The following XIRP2 variants were observed in gnomAD, a reference collection of about 807,000 sequenced individuals.
XIRP2 encodes xin actin binding repeat containing 2, also known as xin actin-binding repeat-containing protein 2.
XIRP2 carries 236 observed loss-of-function variants against 277.0 expected under a neutral mutation model. That is an observed-to-expected ratio of 0.85 (90% CI 0.77 to 0.95). The LOEUF is 0.95. Ranked by LOEUF, XIRP2 falls within the 40% of genes least tolerant of loss-of-function variation. XIRP2 has a pLI of 0.00. For synonymous variants in XIRP2, 1,490 were observed against 1,416.5 expected (o/e 1.05, Z -1.17); for missense variants, 4,640 against 4,157.5 (o/e 1.12, Z -3.19).
chr2:167,008,374 T>C (rs963352804), intron 2 of XIRP2, among the ~76,000 whole-genome samples: 1 of 151,628 alleles, frequency 6.6e-6, no homozygotes, highest in Non-Finnish European at 1.5e-5. Context: ...CACATTACTC[T>C]AAAGTGTGTT....
intron 5 of XIRP2, among the ~76,000 whole-genome samples, chr2:167,238,156 A>G (rs571685119): frequency 3.9e-4 from 60 of 152,348 alleles, no homozygotes; most frequent in Admixed American, 9.8e-4. Context: ...AAAGTTTGCT[A>G]TCTTATTCAT....
intron 3 of XIRP2, among the ~76,000 whole-genome samples, chr2:167,194,532 C>A (rs751971397): frequency 6.6e-6 from 1 of 152,072 alleles, no homozygotes; most frequent in East Asian, 1.9e-4. Flanking sequence ...TTATAACCAG[C>A]CTTGAAATGT....
chr2:167,187,309 G>A, intron 3 of XIRP2: 1 of 985,306 alleles, frequency 1.0e-6, no homozygotes, highest in Non-Finnish European at 1.2e-6. Flanking sequence ...CTAAAAATAG[G>A]TGCCAAGTTG....
rs59889092 is a variant in XIRP2, at chr2:167,248,478, G to A, written c.7086G>A (p.Met2362Ile). 6 of 1,613,376 alleles carry A rather than the reference G, an allele frequency of 3.7e-6. No individual in the cohort carries two copies. Among genetic ancestry groups the A allele is most frequent in the Non-Finnish European group, 5.1e-6 (6 of 1,179,780 alleles). The change falls in exon 9 of 11, where the codon ATG becomes ATA. Residue 2362 changes from methionine to isoleucine, a missense_variant. Met to Ile is a conservative substitution (Grantham distance 10). Coordinates refer to ENST00000409195, the MANE Select transcript of XIRP2 (RefSeq NM_152381.6). Reference sequence around the variant, plus strand: ...AATCTGAAAGAGAAAGTTCATCGATGTTTCTGCCGCCTCCTCCTCCTCCAA... The same window carrying A: ...AATCTGAAAGAGAAAGTTCATCGATATTTCTGCCGCCTCCTCCTCCTCCAA... ...DEKSERESSS[M>I]FLPPPPPPTP...
intron 1 of XIRP2, among the ~76,000 whole-genome samples, chr2:166,903,111 A>G (rs1168427410): frequency 6.6e-6 from 1 of 152,158 alleles, no homozygotes; most frequent in African/African-American, 2.4e-5. Flanking sequence ...TTCTTAGAAT[A>G]TACTAAACAA....
chr2:166,978,134 C>A (rs985605102), intron 2 of XIRP2, among the ~76,000 whole-genome samples: 1 of 149,840 alleles, frequency 6.7e-6, no homozygotes, highest in Admixed American at 6.6e-5. Context: ...CAAAAATATT[C>A]TTCGTCTCAT....
chr2:167,248,834 T>C lies in XIRP2; in HGVS notation c.7442T>C (p.Val2481Ala). Residue 2481 changes from valine (V) to alanine (A), a missense_variant, in exon 9 of 11, where the codon GTT (valine) becomes GCT (alanine). By Grantham distance (64) the Val-to-Ala change is moderately conservative (BLOSUM62 0). Transcript: ENST00000409195. ...GAACACACGGAGACAAAGCAGAACG[T>C]TATTAGTAAGAGTCTTGATGAAAGA... ...SSEHTETKQN[V>A]ISKSLDERKQ... 6.2e-7 allele frequency: 1 copy of C among 1,613,508 alleles called. No individual in the cohort carries two copies. The highest frequency in any genetic ancestry group is 2.2e-5 in the East Asian group (1 of 44,840).
At position 167,251,878 on chromosome 2, in the gene XIRP2, T is replaced by C. The variant is rs777436718; in HGVS notation, c.10486T>C (p.Tyr3496His). ...TGGAAGAGTTTTTAAAGGCCTGGGA[T>C]ATGCAACCGCAGATGCTTCTGCAAC... is the stretch of plus-strand genomic sequence containing the variant. ...ESGRVFKGLG[Y>H]ATADASATEM... is the part of the protein sequence containing the mutation. Residue 3496 changes from tyrosine to histidine, a missense_variant, in exon 9 of 11, where the codon TAT becomes CAT. By Grantham distance (83) the Tyr-to-His change is moderately conservative. Transcript: ENST00000409195. The C allele has an allele frequency of 1.9e-5, 30 of 1,606,754 alleles. No homozygotes were observed. The highest frequency in any genetic ancestry group is 2.5e-6 in the Non-Finnish European group (3 of 1,177,400).
intron 2 of XIRP2, among the ~76,000 whole-genome samples, chr2:167,014,402 G>A (rs562670916): frequency 6.6e-6 from 1 of 151,630 alleles, no homozygotes; most frequent in Non-Finnish European, 1.5e-5. Flanking sequence ...AAATCAAGAA[G>A]ATATTGTTTC....
At chr2:167,252,109 C>G (rs1471112429) in intron 9 of XIRP2, among the ~76,000 whole-genome samples, 162 bp downstream of exon 9, 1 of 151,930 alleles carries the variant, frequency 6.6e-6, no homozygotes, top group Non-Finnish European at 1.5e-5. Context: ...TATATGCTTG[C>G]TTTTACAACA....
intron 3 of XIRP2, among the ~76,000 whole-genome samples, chr2:167,189,613 C>A (rs148880884): frequency 1.7e-3 from 252 of 152,222 alleles, no homozygotes; most frequent in African/African-American, 6.0e-3. Flanking sequence ...GTTACTTCAC[C>A]TTTTCTAATT....
intron 2 of XIRP2, among the ~76,000 whole-genome samples, chr2:166,951,735 A>G (rs1036482109): frequency 6.6e-6 from 1 of 151,988 alleles, no homozygotes; most frequent in Admixed American, 6.6e-5. Flanking sequence ...ACATTTCACA[A>G]TCTAGCCCCA....
intron 2 of XIRP2, among the ~76,000 whole-genome samples, chr2:166,943,198 G>A (rs1331276186): frequency 4.0e-5 from 6 of 151,798 alleles, no homozygotes; most frequent in Non-Finnish European, 8.8e-5. Context: ...CATTATCATA[G>A]GCCTAATAAT....
chr2:167,024,018 T>A (rs1312225007), intron 2 of XIRP2, among the ~76,000 whole-genome samples: 2 of 152,190 alleles, frequency 1.3e-5, no homozygotes, highest in African/African-American at 4.8e-5. Context: ...TTGATGGGGA[T>A]GGCATTGAAT....
At position 167,242,426 on chromosome 2, in the gene XIRP2, G is replaced by T. The variant is rs144221472; in HGVS notation, c.1177-143G>T. ...AAATATTGACTATTATTCCTAAGTT[G>T]GTCTTTAAATGAGTATATCACATAT... On this transcript the variant is annotated intron_variant, in intron 8 of 10. Coordinates refer to ENST00000409195, the MANE Select transcript of XIRP2 (RefSeq NM_152381.6). The T allele has an allele frequency of 3.6e-4, 266 of 734,786 alleles. No individual in the cohort carries two copies. The African/African-American group carries it at 4.5e-3, about 12-fold the overall frequency. 45.5% of individuals were successfully genotyped at this position (734,786 alleles called of 1,614,324 possible).
At position 167,165,913 on chromosome 2, in the gene XIRP2, C is replaced by T. The variant is rs1692509659; in HGVS notation, c.562+29851C>T. The stretch of plus-strand genomic sequence containing the variant: ...TTGTATCTAAAAAGTCGTCACCAAA[C>T]CCTAGGTCATCTAGATTTTGTATTA... On this transcript the variant is annotated intron_variant, in intron 3 of 10. Transcript: ENST00000409195. Among the ~76,000 whole-genome samples the T allele has an allele frequency of 2.0e-5, 3 of 152,166 alleles. No homozygotes were observed. In the South Asian group the frequency reaches 6.2e-4, roughly 32 times the overall value.
chr2:167,044,954 G>GA (rs930881515), intron 2 of XIRP2, among the ~76,000 whole-genome samples: 27 of 141,614 alleles, frequency 1.9e-4, no homozygotes, highest in East Asian at 4.1e-4. Context: ...GAAATTCTAA[G>GA]AAAAAAAAAA....
At chr2:166,922,026 CTTTTTTGAAAGTCTGAGACTGGATA>C (rs752675659) in intron 2 of XIRP2, among the ~76,000 whole-genome samples, 2 of 152,054 alleles carry the variant, frequency 1.3e-5, no homozygotes, top group South Asian at 2.1e-4. Flanking sequence ...TTTCATTGGC[CTTTTTTGAAAGTCTGAGACTGGATA>C]TTTTTTGAAA....
intron 2 of XIRP2, among the ~76,000 whole-genome samples, chr2:167,088,133 T>G (rs114809783): frequency 0.014 from 2,163 of 152,290 alleles, 69 homozygotes; most frequent in African/African-American, 0.05. Flanking sequence ...AAATCATGGA[T>G]GTTTAAAAGT....
Sources: allele counts gnomAD v4.1 joint callset (sites outside exome capture counted in the v4.1 genomes callset), GRCh38; gene constraint gnomAD v4.1.1; transcripts MANE v1.5; gene names NCBI Gene and HGNC (gene_info 2026-07-23, HGNC 2026-07-21).